CNTNAP2: variants seen among roughly 807,000 people sequenced by gnomAD.
The protein encoded by CNTNAP2 is contactin-associated protein-like 2.
CNTNAP2 carries 98 observed loss-of-function variants against 155.2 expected under a neutral mutation model. The ratio of observed to expected loss-of-function variants is 0.63; its 90% CI spans 0.54 to 0.75. The LOEUF (loss-of-function observed/expected upper bound fraction) is 0.75. Among genes scored for constraint, CNTNAP2 ranks in the 30% least tolerant of loss-of-function variants. The pLI is 0.00. For missense variants in CNTNAP2, 1,727 were observed against 1,688.1 expected (o/e 1.02, Z -0.40); for synonymous variants, 651 against 631.2 (o/e 1.03, Z -0.47).
At chr7:148,401,277 C>T (rs1316021991) in intron 22 of CNTNAP2, among the ~76,000 whole-genome samples, 1 of 152,198 alleles carries the variant, frequency 6.6e-6, no homozygotes, top group Non-Finnish European at 1.5e-5. Flanking sequence ...GACTCTGGCA[C>T]CCACCAACCA....
intron 5 of CNTNAP2, among the ~76,000 whole-genome samples, chr7:147,117,137 C>G (rs1050350172): frequency 2.0e-5 from 3 of 152,122 alleles, no homozygotes; most frequent in African/African-American, 7.2e-5. Context: ...GGAGTATGTG[C>G]AGACCTCCCG....
chr7:148,254,505 G>A (rs908093767), intron 20 of CNTNAP2, among the ~76,000 whole-genome samples: 1 of 152,000 alleles, frequency 6.6e-6, no homozygotes, highest in Non-Finnish European at 1.5e-5. Flanking sequence ...GGCCATGCAC[G>A]TTGGCTCATA....
chr7:146,997,151 G>A (rs1798327615), intron 3 of CNTNAP2, among the ~76,000 whole-genome samples: 1 of 151,998 alleles, frequency 6.6e-6, no homozygotes, highest in African/African-American at 2.4e-5. Flanking sequence ...TCCTTGTTTT[G>A]TTCTAGATCT....
rs1435116277 is a variant in CNTNAP2 at position 148,420,511 on chromosome 7, CAT to C, written c.*4896_*4897del. Reference sequence around the variant, plus strand: ...GATAATAAAAATAAATATGGGCACACATGTATTAATATACAGCACGCATTTAC... The same window carrying C: ...GATAATAAAAATAAATATGGGCACACGTATTAATATACAGCACGCATTTAC... On this transcript the variant is annotated 3_prime_UTR_variant, in exon 24 of 24. Coordinates refer to ENST00000361727, the MANE Select transcript of CNTNAP2 (RefSeq NM_014141.6). 3 of 152,130 alleles carry C rather than the reference CAT, an allele frequency of 2.0e-5. No individual in the cohort carries two copies. The highest frequency in any genetic ancestry group is 6.5e-5 in the Admixed American group (1 of 15,268). The allele number at this position is 152,130 out of a possible 1,614,324, so 9.4% of individuals were successfully genotyped here. A position where few individuals can be genotyped will look rare whatever the true frequency, so the allele number is the denominator to read the frequency against.
intron 13 of CNTNAP2, among the ~76,000 whole-genome samples, chr7:147,757,793 C>T (rs1035249094): frequency 1.3e-5 from 2 of 152,054 alleles, no homozygotes; most frequent in Non-Finnish European, 2.9e-5. Flanking sequence ...ATATTGTAAA[C>T]AATCAAAAGC....
At chr7:147,891,072 CTA>C (rs1799682450) in intron 13 of CNTNAP2, among the ~76,000 whole-genome samples, 2 of 151,958 alleles carry the variant, frequency 1.3e-5, no homozygotes, top group Non-Finnish European at 2.9e-5. Flanking sequence ...CAATTAAAAA[CTA>C]TTTTTTTTAA....
At position 147,481,919 on chromosome 7, in the gene CNTNAP2, G is replaced by T. The variant is rs1035758493; in HGVS notation, c.1671-4016G>T. Among the ~76,000 whole-genome samples, 6 of 152,024 alleles carry T rather than the reference G, an allele frequency of 3.9e-5. No individual in the cohort carries two copies. The East Asian group carries it at 7.7e-4, about 20-fold the overall frequency. On this transcript the variant is annotated intron_variant, in intron 10 of 23. Transcript: ENST00000361727. ...CTACTAAAAAAATTAGTTTATTAGC[G>T]CAAGAGTCTGGATTTGAGAATAAAA...
intron 1 of CNTNAP2, among the ~76,000 whole-genome samples, chr7:146,569,079 C>G (rs1223495732): frequency 2.0e-5 from 3 of 152,006 alleles, no homozygotes; most frequent in African/African-American, 4.8e-5. Flanking sequence ...TGCAGTGGCG[C>G]AATCTTGGCT....
chr7:147,134,108 C>G (rs1238900210), intron 8 of CNTNAP2, among the ~76,000 whole-genome samples: 2 of 151,894 alleles, frequency 1.3e-5, no homozygotes, highest in Non-Finnish European at 2.9e-5. Context: ...AGTATGAAGG[C>G]CTGTCTCCTT....
intron 21 of CNTNAP2, among the ~76,000 whole-genome samples, chr7:148,303,892 G>C (rs574907476): frequency 6.6e-6 from 1 of 152,202 alleles, no homozygotes; most frequent in African/African-American, 2.4e-5. Context: ...TCACTGGGTG[G>C]AATGTGAGTC....
intron 17 of CNTNAP2, among the ~76,000 whole-genome samples, chr7:148,159,861 T>G (rs555256297): frequency 6.6e-6 from 1 of 152,376 alleles, no homozygotes; most frequent in Non-Finnish European, 1.5e-5. Context: ...TCTTGATTTA[T>G]TGTTCCTTGT....
intron 1 of CNTNAP2, among the ~76,000 whole-genome samples, chr7:146,514,291 T>G (rs2129136113): frequency 6.6e-6 from 1 of 152,206 alleles, no homozygotes; most frequent in South Asian, 2.1e-4. Context: ...TTTGCAAAGT[T>G]TTCTTTATTT....
chr7:147,567,147 C>A (rs1487318453), intron 12 of CNTNAP2, among the ~76,000 whole-genome samples: 1 of 152,114 alleles, frequency 6.6e-6, no homozygotes, highest in Non-Finnish European at 1.5e-5. Context: ...ATGGATTGAG[C>A]TACATCCTAG....
intron 8 of CNTNAP2, among the ~76,000 whole-genome samples, chr7:147,170,975 G>A (rs911004583): frequency 6.6e-6 from 1 of 152,106 alleles, no homozygotes; most frequent in Non-Finnish European, 1.5e-5. Context: ...CCTGAGAGAC[G>A]GGTGCCTATA....
intron 1 of CNTNAP2, among the ~76,000 whole-genome samples, chr7:146,507,216 G>T (rs922908600): frequency 2.0e-5 from 3 of 152,198 alleles, no homozygotes; most frequent in African/African-American, 7.2e-5. Context: ...GGCATATACA[G>T]TTGTTAATTC....
At chr7:146,970,076 C>T (rs1797750560) in intron 3 of CNTNAP2, among the ~76,000 whole-genome samples, 1 of 152,184 alleles carries the variant, frequency 6.6e-6, no homozygotes, top group Non-Finnish European at 1.5e-5. Context: ...GGATTAAAGA[C>T]TTAAACAATA....
chr7:146,722,585 G>A (rs545288299), intron 1 of CNTNAP2, among the ~76,000 whole-genome samples: 1 of 152,210 alleles, frequency 6.6e-6, no homozygotes, highest in South Asian at 2.1e-4. Flanking sequence ...AAACTCCTTG[G>A]CCCAGGGGAT....
At chr7:146,623,936 T>G (rs750090455) in intron 1 of CNTNAP2, among the ~76,000 whole-genome samples, 73 of 152,076 alleles carry the variant, frequency 4.8e-4, no homozygotes, top group Middle Eastern at 3.4e-3. Flanking sequence ...CTTAGTTTTG[T>G]GGATGTTCGC....
intron 1 of CNTNAP2, among the ~76,000 whole-genome samples, chr7:146,413,558 G>C (rs751890624): frequency 1.3e-5 from 2 of 152,192 alleles, no homozygotes; most frequent in Non-Finnish European, 2.9e-5. Context: ...TTACACATCT[G>C]ATCTGATTTC....
Sources: allele counts gnomAD v4.1 joint callset (sites outside exome capture counted in the v4.1 genomes callset), GRCh38; gene constraint gnomAD v4.1.1; transcripts MANE v1.5; gene names NCBI Gene and HGNC (gene_info 2026-07-23, HGNC 2026-07-21).